The following CEP126 variants were observed in gnomAD, a reference collection of about 807,000 sequenced individuals.
The protein encoded by CEP126 is centrosomal protein of 126 kDa.
CEP126 carries 74 observed loss-of-function variants against 107.8 expected under a neutral mutation model. The observed-to-expected ratio is 0.69, with a 90% CI of 0.57 to 0.83. The LOEUF (loss-of-function observed/expected upper bound fraction) is 0.83. CEP126 is among the 40% of genes least tolerant of loss of function. The probability of loss-of-function intolerance (pLI) is 0.00; values close to 1 mark genes in which losing one functional copy is unlikely to be tolerated. For synonymous variants in CEP126, 449 were observed against 446.0 expected (o/e 1.01, Z -0.08); for missense variants, 1,237 against 1,281.9 (o/e 0.96, Z 0.53).
rs756283364 is a variant in CEP126 at position 101,963,874 on chromosome 11, G to A, written c.2839G>A (p.Ala947Thr). 1.3e-6 allele frequency: 2 copies of A among 1,581,994 alleles called. No homozygotes were observed. Among genetic ancestry groups the A allele is most frequent in the Non-Finnish European group, 1.7e-6 (2 of 1,164,604 alleles). The part of the protein sequence containing the change: ...GPNVLHQNKR[A>T]TGSTVMRRKR... ...TAATGTCCTGCATCAAAATAAGAGG[G>A]CTACAGGTAAGAATAAATTTATAGC... The change falls in exon 6 of 11, where the codon GCT (alanine) becomes ACT (threonine). Residue 947 changes from alanine to threonine, a missense_variant. Ala to Thr is a moderately conservative substitution (Grantham distance 58, BLOSUM62 0). Around this residue, in one of 3 missense-constraint regions of CEP126, gnomAD observed 1,134 missense variants for 1,150.5 expected, o/e 0.99. Coordinates refer to ENST00000263468, the MANE Select transcript of CEP126 (RefSeq NM_020802.4).
chr11:101,996,265 C>T (rs192782326), intron 10 of CEP126, among the ~76,000 whole-genome samples: 1 of 152,308 alleles, frequency 6.6e-6, no homozygotes, highest in East Asian at 1.9e-4. Context: ...CATAGTTCCA[C>T]TTCAGCAGCT....
chr11:101,945,453 A>G (rs1193569508), intron 3 of CEP126, among the ~76,000 whole-genome samples: 1 of 152,218 alleles, frequency 6.6e-6, no homozygotes, highest in East Asian at 1.9e-4. Context: ...TATGCAAAAT[A>G]CAGTCCACTT....
intron 2 of CEP126, among the ~76,000 whole-genome samples, chr11:101,924,471 G>A (rs1376436833): frequency 6.6e-6 from 1 of 151,234 alleles, no homozygotes; most frequent in Admixed American, 6.6e-5. Flanking sequence ...TTTTTGTTTT[G>A]TTTTGTTTTT....
chr11:101,954,876 G>T (rs999473233), intron 4 of CEP126, among the ~76,000 whole-genome samples: 2 of 152,020 alleles, frequency 1.3e-5, no homozygotes. Flanking sequence ...TTTATTTATT[G>T]AAAATGTAAT....
At chr11:101,942,485 A>G (rs1188150036) in intron 2 of CEP126, among the ~76,000 whole-genome samples, 2 of 151,198 alleles carry the variant, frequency 1.3e-5, no homozygotes, top group African/African-American at 4.8e-5. Context: ...TCTTTATGCT[A>G]GTACTACACT....
chr11:101,928,728 TTATTC>T (rs1220360255), intron 2 of CEP126, among the ~76,000 whole-genome samples: 1 of 152,200 alleles, frequency 6.6e-6, no homozygotes, highest in African/African-American at 2.4e-5. Context: ...TTGGGGTTCT[TTATTC>T]TGTTCTTTTT....
chr11:101,962,114 C>T lies in CEP126; in HGVS notation c.1079C>T (p.Ala360Val). Residue 360 changes from alanine to valine, a missense_variant, in exon 6 of 11, where the codon GCC (alanine) becomes GTC (valine). Ala to Val is a moderately conservative substitution (Grantham distance 64, BLOSUM62 0). Transcript: ENST00000263468. ...PSPLNGTVERATNTANNSVPF... is the reference protein window; with the variant it reads ...PSPLNGTVERVTNTANNSVPF... Reference sequence around the variant, plus strand: ...CCTTTGAATGGAACAGTGGAAAGAGCCACAAATACTGCTAATAATTCAGTA... The same window carrying T: ...CCTTTGAATGGAACAGTGGAAAGAGTCACAAATACTGCTAATAATTCAGTA... The T allele has an allele frequency of 5.6e-6, 9 of 1,611,700 alleles. No homozygotes were observed. The highest frequency in any genetic ancestry group is 7.6e-6 in the Non-Finnish European group (9 of 1,179,220).
chr11:101,968,173 T>C (rs1941080118), intron 6 of CEP126, among the ~76,000 whole-genome samples: 1 of 152,098 alleles, frequency 6.6e-6, no homozygotes, highest in African/African-American at 2.4e-5. Context: ...AGCGGGAGAT[T>C]AGACTTAGAG....
At chr11:101,966,935 C>T (rs1440051472) in intron 6 of CEP126, among the ~76,000 whole-genome samples, 1 of 151,932 alleles carries the variant, frequency 6.6e-6, no homozygotes, top group African/African-American at 2.4e-5. Flanking sequence ...CTTTTCCCTA[C>T]TCTTACTCCT....
intron 4 of CEP126, chr11:101,956,484 C>G (rs1940893621): frequency 2.2e-6 from 1 of 456,456 alleles, no homozygotes; most frequent in Non-Finnish European, 4.4e-6. Context: ...CATCCACCAG[C>G]CTCAGTTCTC....
chr11:101,967,735 CTT>C (rs139904049), intron 6 of CEP126, among the ~76,000 whole-genome samples: 115 of 152,184 alleles, frequency 7.6e-4, no homozygotes, highest in Non-Finnish European at 1.4e-3. Context: ...CATTAATAAA[CTT>C]ATATAAAAAT....
At chr11:101,993,770 C>T (rs1941412369) in intron 10 of CEP126, among the ~76,000 whole-genome samples, 4 of 152,144 alleles carry the variant, frequency 2.6e-5, no homozygotes, top group Admixed American at 2.6e-4. Flanking sequence ...GATGTTATCT[C>T]ATTGTGGTTT....
chr11:101,978,152 G>A (rs7127626), intron 6 of CEP126, among the ~76,000 whole-genome samples, 195 bp from the exon 7 acceptor site: 1,675 of 152,254 alleles, frequency 0.011, 34 homozygotes, highest in African/African-American at 0.038. Context: ...TCAGAAGCAA[G>A]GATTTTGTTG....
Position 101,992,843 on chromosome 11 carries a change from G to T in CEP126, c.3309+1G>T, listed in dbSNP as rs141314654. On this transcript the variant is annotated splice_donor_variant, in intron 10 of 10. Coordinates refer to ENST00000263468, the MANE Select transcript of CEP126 (RefSeq NM_020802.4). LOFTEE classifies it high-confidence loss of function. ...TACTTTACAAATAATACCACTTCTG[G>T]TAAGTATTTGAAGAAGCTCTTTTTT... The T allele has an allele frequency of 2.6e-6, 4 of 1,527,712 alleles. No homozygotes were observed. The highest frequency in any genetic ancestry group is 3.5e-6 in the Non-Finnish European group (4 of 1,142,846). The allele number at this position is 1,527,712 out of a possible 1,614,324, so 94.6% of individuals were successfully genotyped here.
At chr11:101,992,099 A>G (rs1190276405) in intron 9 of CEP126, among the ~76,000 whole-genome samples, 1 of 152,138 alleles carries the variant, frequency 6.6e-6, no homozygotes, top group South Asian at 2.1e-4. Flanking sequence ...ATAAGTATTC[A>G]TTAAAATATG....
intron 4 of CEP126, among the ~76,000 whole-genome samples, chr11:101,952,062 G>T (rs1361788448): frequency 6.6e-6 from 1 of 152,158 alleles, no homozygotes; most frequent in Non-Finnish European, 1.5e-5. Context: ...TTCTCAAAGT[G>T]TATAAAAGTG....
At chr11:101,958,100 G>A in intron 4 of CEP126, 68 bp from the exon 5 acceptor site, 1 of 1,310,630 alleles carries the variant, frequency 7.6e-7, no homozygotes, top group African/African-American at 1.5e-5. Flanking sequence ...AATGTGTCAT[G>A]TATATACATA....
Position 101,958,359 on chromosome 11 carries a change from A to G in CEP126, c.698A>G (p.Asn233Ser), listed in dbSNP as rs1231035890. 3 of 1,612,510 alleles carry G rather than the reference A, an allele frequency of 1.9e-6. No homozygotes were observed. In the Admixed American group the frequency reaches 5.0e-5, roughly 27 times the overall value. ...QKLLEDQHLS[N>S]LQKFCDEVNQ... ...CTCCTCGAAGATCAACATCTAAGCAATTTGCAAGTATGAAACTATAAAAAT... is the reference window on the plus strand; with the variant it reads ...CTCCTCGAAGATCAACATCTAAGCAGTTTGCAAGTATGAAACTATAAAAAT... The change falls in exon 5 of 11, where the codon AAT becomes AGT. Residue 233 changes from asparagine (N) to serine (S), a missense_variant. Coordinates refer to ENST00000263468, the MANE Select transcript of CEP126 (RefSeq NM_020802.4).
intron 6 of CEP126, among the ~76,000 whole-genome samples, chr11:101,974,272 A>G (rs1565365922): frequency 6.6e-6 from 1 of 152,178 alleles, no homozygotes; most frequent in Non-Finnish European, 1.5e-5. Flanking sequence ...ATTTTATAAT[A>G]TATATTTTAA....
Sources: allele counts gnomAD v4.1 joint callset (sites outside exome capture counted in the v4.1 genomes callset), GRCh38; gene constraint gnomAD v4.1.1; regional missense constraint gnomAD v4.1.1; transcripts MANE v1.5; gene names NCBI Gene and HGNC (gene_info 2026-07-23, HGNC 2026-07-21).